Variants in ARRB2 observed in about 807,000 individuals in gnomAD.
ARRB2 encodes arrestin beta 2.
In ARRB2, 21 loss-of-function variants were observed where a neutral mutation model predicts 53.4. The ratio of observed to expected loss-of-function variants is 0.39; its 90% CI spans 0.28 to 0.57. The LOEUF (loss-of-function observed/expected upper bound fraction) is 0.57. Ranked by LOEUF, ARRB2 falls within the 20% of genes least tolerant of loss-of-function variation. The pLI, the probability that ARRB2 is intolerant of heterozygous loss-of-function variation, is 0.55. For synonymous variants in ARRB2, 180 were observed against 212.9 expected, an observed-to-expected ratio of 0.85 and a Z score of 1.34; for missense variants, 369 against 527.5, an observed-to-expected ratio of 0.70 and a Z score of 2.94.
In ARRB2 at chr17:4,719,353, G is replaced by A. The variant is rs1249376827; in HGVS notation, c.850G>A (p.Glu284Lys). 3 of 1,614,162 alleles carry A rather than the reference G, an allele frequency of 1.9e-6. No individual in the cohort carries two copies. Among genetic ancestry groups the A allele is most frequent in the Admixed American group, 1.7e-5 (1 of 60,022 alleles). Residue 284 changes from glutamate to lysine, a missense_variant, in exon 11 of 15, where the codon GAG (glutamate) becomes AAG (lysine). Transcript: ENST00000269260. ...TITPLLSDNR[E>K]KRGLALDGKL... Reference sequence around the variant, plus strand: ...AACCCCACTGCTCAGCGACAACCGGGAGAAGCGGGGTCTCGCCCTGGATGG... The same window carrying A: ...AACCCCACTGCTCAGCGACAACCGGAAGAAGCGGGGTCTCGCCCTGGATGG...
At chr17:4,720,739 G>C (rs1567688235) in intron 14 of ARRB2, 99 bp downstream of exon 14, 1 of 1,181,378 alleles carries the variant, frequency 8.5e-7, no homozygotes, top group East Asian at 2.4e-5. Flanking sequence ...GTGGGGAGAA[G>C]CGGATTGTAG....
intron 13 of ARRB2, 47 bp from the exon 14 acceptor site, chr17:4,720,539 G>T (rs766677948): frequency 2.1e-5 from 33 of 1,577,482 alleles, no homozygotes; most frequent in Non-Finnish European, 2.8e-5. Flanking sequence ...GAGGAAAACT[G>T]GCCCTTCCAG....
rs1242528041 is a variant in ARRB2 at position 4,720,654 on chromosome 17, T to A, written c.1136+14T>A. On this transcript the variant is annotated intron_variant, in intron 14 of 14. Coordinates refer to ENST00000269260, the MANE Select transcript of ARRB2 (RefSeq NM_004313.4). ...ATTTGATACCAAGTAAGAAACTCATTCCCCTACTTGACCCTCTTGGGACAA... is the reference window on the plus strand; with the variant it reads ...ATTTGATACCAAGTAAGAAACTCATACCCCTACTTGACCCTCTTGGGACAA... The A allele has an allele frequency of 6.4e-7, 1 of 1,552,700 alleles. No individual in the cohort carries two copies. The highest frequency in any genetic ancestry group is 8.7e-7 in the Non-Finnish European group (1 of 1,150,942).
chr17:4,718,598 G>T lies in ARRB2; in HGVS notation c.707-14G>T. 6.2e-7 allele frequency: 1 copy of T among 1,612,178 alleles called. No individual in the cohort carries two copies. ...GCTCCATCCAGAGCTGCCTGACCCCGTCCCACCCCACAGTGAGACAGTACG... is the reference window on the plus strand; with the variant it reads ...GCTCCATCCAGAGCTGCCTGACCCCTTCCCACCCCACAGTGAGACAGTACG... On this transcript the variant is annotated splice_polypyrimidine_tract_variant and intron_variant, in intron 9 of 14. Coordinates refer to ENST00000269260, the MANE Select transcript of ARRB2 (RefSeq NM_004313.4).
Position 4,710,720 on chromosome 17 carries a change from C to T in ARRB2, c.-2C>T. 2.5e-6 allele frequency: 1 copy of T among 399,498 alleles called. No individual in the cohort carries two copies. Among genetic ancestry groups the T allele is most frequent in the Non-Finnish European group, 4.4e-6 (1 of 226,688 alleles). The allele number at this position is 399,498 out of a possible 1,614,324, so 24.7% of individuals were successfully genotyped here. On this transcript the variant is annotated 5_prime_UTR_variant, in exon 1 of 15. Transcript: ENST00000269260. ...ACCGAGCGGGCGGCGGGCGCGCGCA[C>T]CATGGGGGAGAAACCCGGGACCAGG...
chr17:4,714,667 C>A, intron 1 of ARRB2: 1 of 34,078 alleles, frequency 2.9e-5, no homozygotes, highest in South Asian at 1.1e-3. Flanking sequence ...AGAAGGGTTC[C>A]CCTTGCCACC....
At position 4,717,317 on chromosome 17, in the gene ARRB2, T is replaced by C. The variant is rs780989853; in HGVS notation, c.417+41T>C. 1 of 1,607,802 alleles carries C rather than the reference T, an allele frequency of 6.2e-7. No homozygotes were observed. Among genetic ancestry groups the C allele is most frequent in the South Asian group, 1.1e-5 (1 of 90,952 alleles). ...CTCTGAGGGCTCCTAGGGCAGGACA[T>C]GGGCCAGCAGGAGCCTGGAGGCACA... On this transcript the variant is annotated intron_variant, in intron 6 of 14. Transcript: ENST00000269260. The surrounding 1 kb of genome is among the most constrained non-coding windows in gnomAD (Gnocchi z 6.0).
Position 4,718,698 on chromosome 17 carries a change from G to A in ARRB2, c.779+14G>A, listed in dbSNP as rs1470181093. On this transcript the variant is annotated intron_variant, in intron 10 of 14. Coordinates refer to ENST00000269260, the MANE Select transcript of ARRB2 (RefSeq NM_004313.4). The stretch of plus-strand genomic sequence containing the variant: ...ACTCGAACAAGAGTGAGTATCGGGA[G>A]AGACCCATGTTCCAATCTAGGGGAG... The A allele has an allele frequency of 6.2e-7, 1 of 1,611,328 alleles. No individual in the cohort carries two copies. The highest frequency in any genetic ancestry group is 1.7e-5 in the Admixed American group (1 of 59,906).
intron 10 of ARRB2, 65 bp downstream of exon 10, chr17:4,718,749 G>A (rs1915352317): frequency 3.4e-6 from 5 of 1,465,938 alleles, no homozygotes; most frequent in Non-Finnish European, 4.6e-6. Context: ...AGAATGTGAG[G>A]TGGAGGAAGA....
intron 8 of ARRB2, 44 bp from the exon 9 acceptor site, chr17:4,718,217 A>G (rs983527388): frequency 4.4e-6 from 7 of 1,573,628 alleles, no homozygotes; most frequent in Non-Finnish European, 6.1e-6. Context: ...TGATGGGAAC[A>G]GTGAAAACCA....
chr17:4,712,036 C>G (rs1914465638), intron 1 of ARRB2, among the ~76,000 whole-genome samples: 1 of 152,228 alleles, frequency 6.6e-6, no homozygotes, highest in African/African-American at 2.4e-5. Flanking sequence ...AGGGCAAGTG[C>G]CTTGCAGCTG....
intron 5 of ARRB2, 104 bp downstream of exon 5, chr17:4,716,712 G>A: frequency 2.7e-6 from 4 of 1,470,894 alleles, no homozygotes; most frequent in Non-Finnish European, 3.6e-6. Flanking sequence ...AAACAGTGAG[G>A]CAGGGACCCT....
chr17:4,713,570 G>A (rs1042679469), intron 1 of ARRB2, among the ~76,000 whole-genome samples: 21 of 152,104 alleles, frequency 1.4e-4, no homozygotes, highest in African/African-American at 4.3e-4. Flanking sequence ...GGCAGAGGTC[G>A]CAGTGAGCCG....
chr17:4,720,060 A>G (rs1915533185), intron 11 of ARRB2, among the ~76,000 whole-genome samples, 156 bp from the exon 12 acceptor site: 1 of 152,106 alleles, frequency 6.6e-6, no homozygotes, highest in Non-Finnish European at 1.5e-5. Flanking sequence ...CAGGGAGTGC[A>G]GTGCGCACTG....
rs139505732 is a variant in ARRB2, at chr17:4,718,293, T to C, written c.654T>C (p.Asn218=). 7 of 1,612,100 alleles carry C rather than the reference T, an allele frequency of 4.3e-6. No homozygotes were observed. The highest frequency in any genetic ancestry group is 2.2e-5 in the South Asian group (2 of 90,614). ...LYYHGEPLNV[N]VHVTNNSTKT... is the part of the protein sequence containing the mutation. ...ACCATGGGGAGCCCCTCAATGTAAA[T>C]GTCCACGTCACCAACAACTCCACCA... Residue 218 remains asparagine, a synonymous_variant, in exon 9 of 15, where the codon AAT becomes AAC. Coordinates refer to ENST00000269260, the MANE Select transcript of ARRB2 (RefSeq NM_004313.4).
Position 4,717,646 on chromosome 17 carries a change from AGCCTCCGGTAAGATGTG to A in ARRB2, c.418-34_418-18del. The A allele has an allele frequency of 6.2e-7, 1 of 1,612,976 alleles. No homozygotes were observed. The highest frequency in any genetic ancestry group is 8.5e-7 in the Non-Finnish European group (1 of 1,179,386). ...AAGAAAGGGCAGTGATGGTGGCGGG[AGCCTCCGGTAAGATGTG>A]GCCTTTTCTCCCCTCCCCGAGGCCT... On this transcript the variant is annotated intron_variant, in intron 6 of 14. Transcript: ENST00000269260. This position sits in a 1 kb window ranked among gnomAD's most constrained non-coding sequence, Gnocchi z 6.0.
intron 8 of ARRB2, 91 bp from the exon 9 acceptor site, chr17:4,718,170 G>A: frequency 6.5e-7 from 1 of 1,541,754 alleles, no homozygotes; most frequent in Non-Finnish European, 8.8e-7. Flanking sequence ...GAGGGGAGGG[G>A]GCCAGAACAA....
intron 3 of ARRB2, 33 bp downstream of exon 3, chr17:4,716,066 C>T: frequency 6.2e-7 from 1 of 1,614,120 alleles, no homozygotes; most frequent in African/African-American, 1.3e-5. Flanking sequence ...AGCTCGTTCC[C>T]CAAGAGGGGA....
At chr17:4,718,776 C>G (rs2036656) in intron 10 of ARRB2, 92 bp downstream of exon 10, 838,780 of 1,199,774 alleles carry the variant, frequency 0.7, 297,372 homozygotes, top group East Asian at 0.85. Context: ...CCTGAGCCAT[C>G]TCCACCTTTT....
Sources: gnomAD v4.1 joint callset for allele counts (sites outside exome capture counted in the v4.1 genomes callset) on GRCh38, gnomAD v4.1.1 for gene constraint, Gnocchi (gnomAD v3.1) non-coding constraint, MANE v1.5 for transcripts, NCBI Gene and HGNC (gene_info 2026-07-23, HGNC 2026-07-21) for gene names.